FAM221B: variants seen among roughly 807,000 people sequenced by gnomAD.
The protein encoded by FAM221B is family with sequence similarity 221 member B.
A neutral mutation model predicts 39.8 loss-of-function variants in FAM221B; 35 were observed. That is an observed-to-expected ratio of 0.88 (90% CI 0.67 to 1.17). FAM221B has a LOEUF of 1.17. Among genes scored for constraint, FAM221B ranks in the 50% most tolerant of loss-of-function variants. The pLI, the probability that FAM221B is intolerant of heterozygous loss-of-function variation, is 0.00. For synonymous variants in FAM221B, 158 were observed against 178.1 expected, an observed-to-expected ratio of 0.89 and a Z score of 0.90; for missense variants, 479 against 503.1, an observed-to-expected ratio of 0.95 and a Z score of 0.46.
chr9:35,822,767 G>C (rs1334750431), intron 3 of FAM221B, among the ~76,000 whole-genome samples: 3 of 152,036 alleles, frequency 2.0e-5, no homozygotes, highest in Non-Finnish European at 4.4e-5. Flanking sequence ...TTCTTTCCTG[G>C]TTATGACCAG....
At chr9:35,821,143 A>G (rs760179478) in intron 3 of FAM221B, among the ~76,000 whole-genome samples, 1 of 152,244 alleles carries the variant, frequency 6.6e-6, no homozygotes, top group Non-Finnish European at 1.5e-5. Flanking sequence ...ACACTGCATT[A>G]TAATAGATCA....
intron 1 of FAM221B, chr9:35,827,116 C>T (rs1829398475): frequency 6.6e-6 from 1 of 152,164 alleles, no homozygotes; most frequent in Non-Finnish European, 1.5e-5. Flanking sequence ...CCCTGCTGGT[C>T]ATTTCTAACT....
At chr9:35,823,107 CTT>C (rs1564006684) in intron 3 of FAM221B, among the ~76,000 whole-genome samples, 1 of 152,218 alleles carries the variant, frequency 6.6e-6, no homozygotes, top group Non-Finnish European at 1.5e-5. Flanking sequence ...TTACAGCACT[CTT>C]TACTTGGCCA....
At chr9:35,822,084 C>G (rs1564006320) in intron 3 of FAM221B, among the ~76,000 whole-genome samples, 1 of 152,296 alleles carries the variant, frequency 6.6e-6, no homozygotes, top group East Asian at 1.9e-4. Context: ...CAGCCTAGCC[C>G]TCTCTCCTGA....
rs201582776 is a variant in FAM221B, at chr9:35,825,930, G to C, written c.232C>G (p.Pro78Ala). ...TCTGAAGGAGTCTCAGAGATGGAAG[G>C]CTCCTGATGGGTTTCAGGGGAATGG... ...EAHSPETHQE[P>A]SISETPSETP... The change falls in exon 2 of 7, where the codon CCT (proline) becomes GCT (alanine). Residue 78 changes from proline to alanine, a missense_variant. Pro to Ala is a conservative substitution (Grantham distance 27). Transcript: ENST00000423537. The surrounding 1 kb of genome is among the most constrained non-coding windows in gnomAD (Gnocchi z 4.2). 739 of 1,613,904 alleles carry C rather than the reference G, an allele frequency of 4.6e-4. 2 individuals are homozygous for C. Among genetic ancestry groups the C allele is most frequent in the Non-Finnish European group, 6.3e-5 (74 of 1,179,948 alleles).
intron 3 of FAM221B, among the ~76,000 whole-genome samples, chr9:35,824,205 A>G (rs1829231896): frequency 6.6e-6 from 1 of 152,224 alleles, no homozygotes; most frequent in African/African-American, 2.4e-5. Context: ...AATAAATGTC[A>G]TAACATCTAT....
chr9:35,827,916 G>A (rs1204394034), intron 1 of FAM221B, among the ~76,000 whole-genome samples: 2 of 152,160 alleles, frequency 1.3e-5, no homozygotes, highest in Admixed American at 1.3e-4. Flanking sequence ...GCCTAAGAGT[G>A]GAGAACCAGA....
At chr9:35,826,690 T>C (rs1829377761) in intron 1 of FAM221B, 1 of 155,404 alleles carries the variant, frequency 6.4e-6, no homozygotes, top group Admixed American at 6.3e-5. Context: ...ATGTCATTCA[T>C]GTTCAAAGCT....
chr9:35,822,374 T>C (rs1453672826), intron 3 of FAM221B, among the ~76,000 whole-genome samples: 1 of 152,162 alleles, frequency 6.6e-6, no homozygotes, highest in Non-Finnish European at 1.5e-5. Flanking sequence ...AGTTTCACTT[T>C]GTTAGCTTTT....
intron 4 of FAM221B, 92 bp from the exon 5 acceptor site, chr9:35,819,486 A>C (rs1588089529): frequency 2.6e-6 from 3 of 1,157,338 alleles, no homozygotes; most frequent in Non-Finnish European, 1.2e-6. Flanking sequence ...CCCCCTATGC[A>C]CGCAGACATG....
intron 3 of FAM221B, chr9:35,821,657 A>C: frequency 1.5e-6 from 2 of 1,359,892 alleles, no homozygotes; most frequent in South Asian, 2.3e-5. Context: ...TTAAAAAAGC[A>C]GGAGGTGAGG....
chr9:35,826,360 T>C (rs949343196), intron 1 of FAM221B, among the ~76,000 whole-genome samples, 199 bp from the exon 2 acceptor site: 4 of 152,216 alleles, frequency 2.6e-5, no homozygotes, highest in African/African-American at 7.2e-5. Context: ...AGACCTCATA[T>C]GGCATGCTGC....
chr9:35,827,781 A>T (rs972216527), intron 1 of FAM221B, among the ~76,000 whole-genome samples: 5 of 152,160 alleles, frequency 3.3e-5, no homozygotes, highest in Non-Finnish European at 7.3e-5. Context: ...TGTTCCAGAG[A>T]CGCTAGATAT....
Position 35,818,175 on chromosome 9 carries a change from A to G in FAM221B, c.*294T>C, listed in dbSNP as rs1038705201. On this transcript the variant is annotated 3_prime_UTR_variant, in exon 7 of 7. Coordinates refer to ENST00000423537, the MANE Select transcript of FAM221B (RefSeq NM_001012446.4). Reference sequence around the variant, plus strand: ...ATCTTCTAATTGCAAAACCCAATGGACACTTTTCAGTCTTTATCTTATTGG... The same window carrying G: ...ATCTTCTAATTGCAAAACCCAATGGGCACTTTTCAGTCTTTATCTTATTGG... 6.9e-6 allele frequency: 3 copies of G among 432,202 alleles called. No homozygotes were observed. Among genetic ancestry groups the G allele is most frequent in the African/African-American group, 4.0e-5 (2 of 50,290 alleles). 26.8% of individuals were successfully genotyped at this position (432,202 alleles called of 1,614,324 possible).
At position 35,819,914 on chromosome 9, in the gene FAM221B, A is replaced by G; in HGVS notation, c.829T>C (p.Leu277=). ...DESRCFCGHL[L]REHRIISDIS... is the part of the protein sequence containing the mutation. ...CCTGAGATGATCCGGTGCTCTCTCA[A>G]CAAGTGTCCACAAAAGCATCTGGAC... is the stretch of plus-strand genomic sequence containing the variant. Residue 277 remains leucine, a synonymous_variant, in exon 4 of 7, where the codon TTG becomes CTG. Coordinates refer to ENST00000423537, the MANE Select transcript of FAM221B (RefSeq NM_001012446.4). 6.2e-7 allele frequency: 1 copy of G among 1,611,382 alleles called. No homozygotes were observed. Among genetic ancestry groups the G allele is most frequent in the Non-Finnish European group, 8.5e-7 (1 of 1,178,210 alleles).
rs1006156232 is a variant in FAM221B at position 35,817,156 on chromosome 9, A to G, written c.*1313T>C. On this transcript the variant is annotated 3_prime_UTR_variant, in exon 7 of 7. Transcript: ENST00000423537. Reference sequence around the variant, plus strand: ...CTTGCCTGGGTTCACAGAGCCCATTAGTGCTGGAATCTCCTACTCCCATAA... The same window carrying G: ...CTTGCCTGGGTTCACAGAGCCCATTGGTGCTGGAATCTCCTACTCCCATAA... The G allele has an allele frequency of 3.3e-5, 5 of 152,360 alleles. No individual in the cohort carries two copies. Among genetic ancestry groups the G allele is most frequent in the Admixed American group, 6.5e-5 (1 of 15,306 alleles). The allele number at this position is 152,360 out of a possible 1,614,324, so 9.4% of individuals were successfully genotyped here. A position where few individuals can be genotyped will look rare whatever the true frequency, so the allele number is the denominator to read the frequency against.
chr9:35,825,884 G>T lies in FAM221B; in HGVS notation c.278C>A (p.Ser93Ter), dbSNP rs199561078. 4 of 1,614,164 alleles carry T rather than the reference G, an allele frequency of 2.5e-6. No homozygotes were observed. Among genetic ancestry groups the T allele is most frequent in the Non-Finnish European group, 3.4e-6 (4 of 1,180,028 alleles). ...CACCACTGAGATGGGACTATCCAAT[G>T]AAGCCTCATAGGTAGGGGTCTCTGA... The part of the protein sequence containing the change: ...TPSETPTYEA[S>*]LDSPISVVPE... The change falls in exon 2 of 7, where the codon TCA becomes TAA. Residue 93 changes from serine (S) to a stop codon, truncating the protein, a stop_gained. Coordinates refer to ENST00000423537, the MANE Select transcript of FAM221B (RefSeq NM_001012446.4). LOFTEE classifies it high-confidence loss of function. This position sits in a 1 kb window ranked among gnomAD's most constrained non-coding sequence, Gnocchi z 4.2.
chr9:35,821,688 C>G (rs7851282), intron 3 of FAM221B: 2 of 1,260,354 alleles, frequency 1.6e-6, no homozygotes, highest in Non-Finnish European at 1.1e-6. Flanking sequence ...AAGGCCTGCT[C>G]GGAGGGCCGG....
rs1019795535 is a variant in FAM221B at position 35,825,411 on chromosome 9, G to A, written c.599-38C>T. 4 of 1,612,876 alleles carry A rather than the reference G, an allele frequency of 2.5e-6. No homozygotes were observed. The South Asian group carries it at 4.4e-5, about 18-fold the overall frequency. Reference sequence around the variant, plus strand: ...AGGATGAGTAACCAGGGGGAAGTGAGAAGGCCCTAAAACTAAGAGAAGGGG... The same window carrying A: ...AGGATGAGTAACCAGGGGGAAGTGAAAAGGCCCTAAAACTAAGAGAAGGGG... On this transcript the variant is annotated intron_variant, in intron 2 of 6. Transcript: ENST00000423537. The surrounding 1 kb of genome is among the most constrained non-coding windows in gnomAD (Gnocchi z 4.2).
Sources: allele counts gnomAD v4.1 joint callset (sites outside exome capture counted in the v4.1 genomes callset), GRCh38; gene constraint gnomAD v4.1.1; non-coding constraint Gnocchi (gnomAD v3.1); transcripts MANE v1.5; gene names NCBI Gene and HGNC (gene_info 2026-07-23, HGNC 2026-07-21).